Variants in COG7 observed in about 807,000 individuals in gnomAD.
COG7 encodes component of oligomeric golgi complex 7.
COG7 carries 49 observed loss-of-function variants against 91.5 expected under a neutral mutation model. The ratio of observed to expected loss-of-function variants is 0.54; its 90% CI spans 0.43 to 0.68. The LOEUF (loss-of-function observed/expected upper bound fraction) is 0.68, where lower values mean the gene tolerates loss of function less well. COG7 is among the 30% of genes least tolerant of loss of function. The pLI, the probability that COG7 is intolerant of heterozygous loss-of-function variation, is 0.00. For missense variants in COG7, 895 were observed against 961.3 expected (o/e 0.93, Z 0.91); for synonymous variants, 365 against 388.7 (o/e 0.94, Z 0.72).
chr16:23,440,254 G>T (rs1369873341), intron 4 of COG7, among the ~76,000 whole-genome samples: 1 of 151,930 alleles, frequency 6.6e-6, no homozygotes, highest in Admixed American at 6.6e-5. Flanking sequence ...GCCAGGTGTG[G>T]TAGCGCATGT....
chr16:23,426,353 G>A (rs548373729), intron 6 of COG7, among the ~76,000 whole-genome samples: 4 of 152,186 alleles, frequency 2.6e-5, no homozygotes, highest in African/African-American at 9.6e-5. Context: ...TGATCAAGTA[G>A]GATTCACCCA....
chr16:23,440,768 C>T (rs1408442487), intron 4 of COG7, among the ~76,000 whole-genome samples: 1 of 152,044 alleles, frequency 6.6e-6, no homozygotes, highest in East Asian at 1.9e-4. Flanking sequence ...AGAACAGATA[C>T]TTTATTTTTT....
chr16:23,440,189 G>C (rs1412561394), intron 4 of COG7, among the ~76,000 whole-genome samples: 1 of 151,442 alleles, frequency 6.6e-6, no homozygotes, highest in African/African-American at 2.4e-5. Context: ...AGGAGTTCAA[G>C]ACCAGCCTGG....
intron 4 of COG7, among the ~76,000 whole-genome samples, chr16:23,437,359 C>G (rs1219702379): frequency 6.6e-6 from 1 of 152,158 alleles, no homozygotes; most frequent in East Asian, 1.9e-4. Flanking sequence ...CCCAACCCCA[C>G]AGAACTGGAT....
At position 23,393,350 on chromosome 16, in the gene COG7, GA is replaced by G; in HGVS notation, c.1888-4del. ...AGGGACATGATGTACTGCCCGATCT[GA>G]AACAAAAGAAAGCGCTGTTAGCCTG... On this transcript the variant is annotated splice_region_variant and splice_polypyrimidine_tract_variant and intron_variant, in intron 14 of 16. Transcript: ENST00000307149. 1.2e-6 allele frequency: 2 copies of G among 1,605,334 alleles called. No homozygotes were observed. The highest frequency in any genetic ancestry group is 1.7e-6 in the Non-Finnish European group (2 of 1,172,060).
chr16:23,420,261 C>G (rs1023209666), intron 7 of COG7, among the ~76,000 whole-genome samples: 54 of 152,322 alleles, frequency 3.5e-4, no homozygotes, highest in African/African-American at 1.3e-3. Context: ...TAATTCAATT[C>G]CTGAAAATCA....
chr16:23,452,694 G>C (rs1964283255), intron 1 of COG7, 132 bp downstream of exon 1: 1 of 1,464,014 alleles, frequency 6.8e-7, no homozygotes, highest in African/African-American at 1.4e-5. Flanking sequence ...GGAGTTCGGG[G>C]CTTGCTCTTT....
At chr16:23,394,356 G>A (rs1260430655) in intron 14 of COG7, among the ~76,000 whole-genome samples, 2 of 152,300 alleles carry the variant, frequency 1.3e-5, no homozygotes, top group East Asian at 3.9e-4. Context: ...GTGATGCCAA[G>A]AGTGTATTTT....
At chr16:23,410,950 G>A (rs886472545) in intron 10 of COG7, among the ~76,000 whole-genome samples, 13 of 152,182 alleles carry the variant, frequency 8.5e-5, no homozygotes, top group South Asian at 8.3e-4. Context: ...TAAGTGATCC[G>A]CCTGCCTTGG....
chr16:23,421,653 A>C, intron 7 of COG7, among the ~76,000 whole-genome samples: 1 of 151,964 alleles, frequency 6.6e-6, no homozygotes. Flanking sequence ...AGGAGAAAAA[A>C]AGAATCTAGT....
intron 13 of COG7, among the ~76,000 whole-genome samples, chr16:23,399,662 G>A (rs1963343001): frequency 6.6e-6 from 1 of 152,052 alleles, no homozygotes; most frequent in Non-Finnish European, 1.5e-5. Flanking sequence ...GAAGAGCTCA[G>A]GGCGATTAGA....
intron 6 of COG7, among the ~76,000 whole-genome samples, chr16:23,432,080 G>A (rs986792496): frequency 1.3e-5 from 2 of 152,008 alleles, no homozygotes; most frequent in Admixed American, 1.3e-4. Context: ...CCAGGAGGCC[G>A]AGGCTGCAGT....
chr16:23,398,203 CAAG>C (rs1963316373), intron 13 of COG7, 74 bp from the exon 14 acceptor site: 5 of 1,208,310 alleles, frequency 4.1e-6, no homozygotes, highest in Admixed American at 1.7e-5. Context: ...CAGAAATACA[CAAG>C]AAGAACATGG....
At chr16:23,426,089 G>A (rs563292567) in intron 6 of COG7, among the ~76,000 whole-genome samples, 11 of 152,266 alleles carry the variant, frequency 7.2e-5, no homozygotes, top group African/African-American at 2.4e-4. Context: ...GGTGGTGCAC[G>A]ACTGTAATCC....
intron 1 of COG7, among the ~76,000 whole-genome samples, chr16:23,451,387 G>A (rs183895058): frequency 2.0e-4 from 31 of 152,216 alleles, no homozygotes; most frequent in African/African-American, 6.7e-4. Flanking sequence ...GGTTGCCAGT[G>A]CATGTTATTT....
At chr16:23,427,178 G>A (rs1767852316) in intron 6 of COG7, among the ~76,000 whole-genome samples, 1 of 152,128 alleles carries the variant, frequency 6.6e-6, no homozygotes, top group Admixed American at 6.6e-5. Context: ...CTGAGCCCAG[G>A]AAGTGGAGGC....
intron 13 of COG7, among the ~76,000 whole-genome samples, chr16:23,400,933 G>C (rs1264068361): frequency 1.4e-5 from 2 of 146,092 alleles, no homozygotes; most frequent in Non-Finnish European, 3.0e-5. Context: ...TCACACCACT[G>C]CACTCCAGCC....
chr16:23,430,040 C>A (rs546319010), intron 6 of COG7, among the ~76,000 whole-genome samples: 2 of 152,024 alleles, frequency 1.3e-5, no homozygotes, highest in African/African-American at 2.4e-5. Context: ...CTTTCCAGGG[C>A]GATGGTGATA....
At chr16:23,409,618 A>C (rs1264010378) in intron 11 of COG7, among the ~76,000 whole-genome samples, 3 of 152,228 alleles carry the variant, frequency 2.0e-5, no homozygotes, top group Non-Finnish European at 4.4e-5. Flanking sequence ...ACTCCTAAGG[A>C]ATAAAGGCAT....
Sources: allele counts gnomAD v4.1 joint callset (sites outside exome capture counted in the v4.1 genomes callset), GRCh38; gene constraint gnomAD v4.1.1; transcripts MANE v1.5; gene names NCBI Gene and HGNC (gene_info 2026-07-23, HGNC 2026-07-21).